ARMC9: variants seen among roughly 807,000 people sequenced by gnomAD.
The protein encoded by ARMC9 is lisH domain-containing protein ARMC9.
ARMC9 carries 94 observed loss-of-function variants against 107.0 expected under a neutral mutation model. The ratio of observed to expected loss-of-function variants is 0.88; its 90% CI spans 0.74 to 1.04. The LOEUF is 1.04. ARMC9 is among the 50% of genes least tolerant of loss of function. The pLI, the probability that ARMC9 is intolerant of heterozygous loss-of-function variation, is 0.00. For synonymous variants in ARMC9, 380 were observed against 396.9 expected (o/e 0.96, Z 0.51); for missense variants, 942 against 1,030.1 (o/e 0.91, Z 1.17).
intron 11 of ARMC9, among the ~76,000 whole-genome samples, chr2:231,259,485 A>C (rs2038140413): frequency 6.6e-6 from 1 of 152,138 alleles, no homozygotes; most frequent in Non-Finnish European, 1.5e-5. Flanking sequence ...GCACCAACGA[A>C]AGAACTCCTG....
rs145254882 is a variant in ARMC9, at chr2:231,352,386, G to A, written c.1995-3412G>A. Among the ~76,000 whole-genome samples the A allele has an allele frequency of 2.1e-3, 316 of 151,774 alleles. 1 individual carries two copies. The highest frequency in any genetic ancestry group is 7.2e-3 in the African/African-American group (297 of 41,354). ...CAGCTTCTTGCAACCTCGGTCTCCT[G>A]GGTTCAAGCGATTCTCCTTTCTCCT... is the stretch of plus-strand genomic sequence containing the variant. On this transcript the variant is annotated intron_variant, in intron 21 of 24. Transcript: ENST00000611582.
chr2:231,258,601 G>A (rs139029057), intron 10 of ARMC9, among the ~76,000 whole-genome samples: 39 of 152,308 alleles, frequency 2.6e-4, no homozygotes, highest in African/African-American at 9.1e-4. Flanking sequence ...GGGGCCTGCT[G>A]ATGCTAATTT....
intron 9 of ARMC9, among the ~76,000 whole-genome samples, chr2:231,243,933 GA>G (rs1333414819): frequency 6.6e-6 from 1 of 152,136 alleles, no homozygotes; most frequent in Non-Finnish European, 1.5e-5. Flanking sequence ...CTTTTTTGCT[GA>G]TTTTTTTAAA....
intron 20 of ARMC9, among the ~76,000 whole-genome samples, chr2:231,336,457 T>C (rs1017997416): frequency 9.2e-5 from 14 of 152,296 alleles, no homozygotes; most frequent in African/African-American, 3.1e-4. Context: ...CTTTTACCAC[T>C]CAGCCGGGCC....
chr2:231,347,263 C>T (rs1057178260), intron 21 of ARMC9, among the ~76,000 whole-genome samples: 44 of 152,190 alleles, frequency 2.9e-4, no homozygotes, highest in African/African-American at 9.9e-4. Context: ...ATGATGCAGT[C>T]GCCCCGTCAC....
At chr2:231,240,761 C>T (rs571222093) in intron 9 of ARMC9, among the ~76,000 whole-genome samples, 24 of 152,226 alleles carry the variant, frequency 1.6e-4, no homozygotes, top group East Asian at 1.9e-4. Flanking sequence ...CTGCATTTCC[C>T]GTCCTCTGGT....
rs2037396663 is a variant in ARMC9 at position 231,252,546 on chromosome 2, A to G, written c.880-4040A>G. ...ATTACAGGCATGAGCCACCGCTCCC[A>G]GCCATGCTAATATTTTAGTATGGCC... On this transcript the variant is annotated intron_variant, in intron 9 of 24. Coordinates refer to ENST00000611582, the MANE Select transcript of ARMC9 (RefSeq NM_001352754.2). Among the ~76,000 whole-genome samples, 3 of 152,210 alleles carry G rather than the reference A, an allele frequency of 2.0e-5. No homozygotes were observed. In the South Asian group the frequency reaches 6.2e-4, roughly 32 times the overall value.
intron 23 of ARMC9, among the ~76,000 whole-genome samples, chr2:231,365,888 TCC>T (rs890388875): frequency 6.6e-6 from 1 of 152,050 alleles, no homozygotes; most frequent in Non-Finnish European, 1.5e-5. Context: ...AACCTCTGCC[TCC>T]CGGGTTCAAG....
At chr2:231,322,917 T>C (rs2043076208) in intron 19 of ARMC9, among the ~76,000 whole-genome samples, 1 of 152,178 alleles carries the variant, frequency 6.6e-6, no homozygotes, top group Non-Finnish European at 1.5e-5. Context: ...TTAAAATATG[T>C]CGTTTCGTTT....
intron 17 of ARMC9, among the ~76,000 whole-genome samples, chr2:231,283,269 C>A (rs190100674): frequency 3.9e-4 from 60 of 151,936 alleles, no homozygotes; most frequent in African/African-American, 1.4e-3. Context: ...GCAAATGGGG[C>A]GGAAAAATGA....
At chr2:231,341,549 A>G (rs761866684) in intron 20 of ARMC9, among the ~76,000 whole-genome samples, 1 of 152,198 alleles carries the variant, frequency 6.6e-6, no homozygotes, top group Non-Finnish European at 1.5e-5. Context: ...GAGGGTGAAT[A>G]TTATGTAGAC....
At chr2:231,246,468 T>A (rs913333319) in intron 9 of ARMC9, among the ~76,000 whole-genome samples, 5 of 152,220 alleles carry the variant, frequency 3.3e-5, no homozygotes, top group Non-Finnish European at 7.3e-5. Context: ...AGGTTTTCTT[T>A]TCCTGTGTTA....
At chr2:231,230,514 A>C (rs1370345727) in intron 7 of ARMC9, among the ~76,000 whole-genome samples, 1 of 152,220 alleles carries the variant, frequency 6.6e-6, no homozygotes, top group African/African-American at 2.4e-5. Context: ...GCTTCTAGTC[A>C]TGGACAGGTC....
intron 5 of ARMC9, among the ~76,000 whole-genome samples, chr2:231,220,819 G>A (rs1272315834): frequency 2.0e-5 from 3 of 152,202 alleles, no homozygotes; most frequent in African/African-American, 7.2e-5. Context: ...CATTAGCAGA[G>A]CATCATAAAG....
intron 7 of ARMC9, among the ~76,000 whole-genome samples, chr2:231,233,848 A>G (rs1210514449): frequency 6.6e-6 from 1 of 152,206 alleles, no homozygotes. Flanking sequence ...CATGAAATGA[A>G]ATAGTAGTAA....
intron 12 of ARMC9, among the ~76,000 whole-genome samples, chr2:231,266,969 A>G (rs1430055003): frequency 6.6e-6 from 1 of 152,214 alleles, no homozygotes; most frequent in Non-Finnish European, 1.5e-5. Context: ...CCCGCATAAT[A>G]CAGTGTTTGC....
chr2:231,290,231 G>T (rs1574966201), intron 17 of ARMC9, among the ~76,000 whole-genome samples: 1 of 152,226 alleles, frequency 6.6e-6, no homozygotes, highest in Non-Finnish European at 1.5e-5. Flanking sequence ...TTAAATTCAT[G>T]GGGGAGCTAA....
intron 7 of ARMC9, among the ~76,000 whole-genome samples, chr2:231,228,112 G>A (rs756398537): frequency 5.3e-5 from 8 of 152,320 alleles, no homozygotes; most frequent in South Asian, 2.1e-4. Flanking sequence ...GCCTGGCCAC[G>A]GTGCGTCCCG....
chr2:231,199,679 A>G (rs1012402187), intron 1 of ARMC9, among the ~76,000 whole-genome samples: 1 of 152,128 alleles, frequency 6.6e-6, no homozygotes, highest in African/African-American at 2.4e-5. Context: ...AAGTTTAGAG[A>G]AAATTCTGTA....
Sources: gnomAD v4.1 joint callset for allele counts (sites outside exome capture counted in the v4.1 genomes callset) on GRCh38, gnomAD v4.1.1 for gene constraint, MANE v1.5 for transcripts, NCBI Gene and HGNC (gene_info 2026-07-23, HGNC 2026-07-21) for gene names.